The following SGCZ variants were observed in gnomAD, a reference collection of about 807,000 sequenced individuals.
SGCZ encodes the protein sarcoglycan zeta, also known as zeta-sarcoglycan.
SGCZ carries 40 observed loss-of-function variants against 41.3 expected under a neutral mutation model. The ratio of observed to expected loss-of-function variants is 0.97; its 90% CI spans 0.75 to 1.26. SGCZ has a LOEUF of 1.26. Ranked by LOEUF, SGCZ falls within the 50% of genes most tolerant of loss-of-function variation. The pLI, the probability that SGCZ is intolerant of heterozygous loss-of-function variation, is 0.00. For synonymous variants in SGCZ, 206 were observed against 137.5 expected (o/e 1.50, Z -3.49); for missense variants, 552 against 369.8 (o/e 1.49, Z -4.04).
chr8:14,824,780 C>G (rs150980996), intron 1 of SGCZ, among the ~76,000 whole-genome samples: 1 of 152,038 alleles, frequency 6.6e-6, no homozygotes, highest in South Asian at 2.1e-4. Flanking sequence ...TCTACATAAA[C>G]GCTTAAATTT....
chr8:15,223,691 AAAAC>A (rs1195393323), intron 1 of SGCZ, among the ~76,000 whole-genome samples: 3 of 152,188 alleles, frequency 2.0e-5, no homozygotes, highest in African/African-American at 7.2e-5. Context: ...GTAGATATAT[AAAAC>A]ATAGACAATC....
chr8:14,693,582 C>CTTTTT lies in SGCZ; in HGVS notation c.40-138661_40-138657dup, dbSNP rs67757752. Among the ~76,000 whole-genome samples, 12 of 61,564 alleles carry CTTTTT rather than the reference C, an allele frequency of 1.9e-4. 2 individuals are homozygous for CTTTTT. The highest frequency in any genetic ancestry group is 9.9e-4 in the South Asian group (1 of 1,012). The allele number at this position is 61,564 out of a possible 152,430, so 40.4% of individuals were successfully genotyped here. On this transcript the variant is annotated intron_variant, in intron 1 of 7. Transcript: ENST00000382080. The stretch of plus-strand genomic sequence containing the variant: ...TACAGGCGTCAGCTACCACGACTGG[C>CTTTTT]TTTTTTTTTTTTTTTTTTTTTTTTT...
chr8:14,334,168 G>A (rs1020458749), intron 2 of SGCZ, among the ~76,000 whole-genome samples: 2 of 151,808 alleles, frequency 1.3e-5, no homozygotes, highest in African/African-American at 4.8e-5. Flanking sequence ...AAGACTATGG[G>A]GTAGGGTACC....
At chr8:15,203,295 T>C (rs1800956121) in intron 1 of SGCZ, among the ~76,000 whole-genome samples, 1 of 152,198 alleles carries the variant, frequency 6.6e-6, no homozygotes, top group South Asian at 2.1e-4. Flanking sequence ...AACGGTCTTT[T>C]GCCTTTTATC....
intron 1 of SGCZ, among the ~76,000 whole-genome samples, chr8:15,112,750 C>T (rs62499776): frequency 1.3e-5 from 2 of 152,192 alleles, no homozygotes; most frequent in Non-Finnish European, 2.9e-5. Flanking sequence ...CACCAACTTA[C>T]CAGCCACTGG....
chr8:14,219,034 G>A (rs1470989241), intron 4 of SGCZ, among the ~76,000 whole-genome samples: 2 of 152,210 alleles, frequency 1.3e-5, no homozygotes, highest in Non-Finnish European at 1.5e-5. Flanking sequence ...CTTGATAAGT[G>A]GGTGCCTCAT....
chr8:14,703,318 C>T (rs572925116), intron 1 of SGCZ, among the ~76,000 whole-genome samples: 134 of 152,034 alleles, frequency 8.8e-4, no homozygotes, highest in African/African-American at 3.1e-3. Context: ...CTGTAAATCC[C>T]AAGGACAATT....
chr8:14,234,290 A>G (rs1364517902), intron 4 of SGCZ, among the ~76,000 whole-genome samples: 2 of 152,064 alleles, frequency 1.3e-5, no homozygotes, highest in Admixed American at 6.5e-5. Flanking sequence ...AGTACATAGG[A>G]TGGCCTAATC....
chr8:15,113,286 A>G (rs17655533), intron 1 of SGCZ, among the ~76,000 whole-genome samples: 22,899 of 151,900 alleles, frequency 0.15, 1,818 homozygotes, highest in East Asian at 0.27. Flanking sequence ...AAATTAAATG[A>G]GTTCTATGTG....
In SGCZ at chr8:15,238,257, G is replaced by A. The variant is rs780150668; in HGVS notation, c.-634C>T. On this transcript the variant is annotated 5_prime_UTR_variant, in exon 1 of 8. In the 5' UTR this introduces an upstream ATG that the reference lacks. Coordinates refer to ENST00000382080, the MANE Select transcript of SGCZ (RefSeq NM_139167.4). ...GAAGATAATCAAGTCAGAAGGGAAC[G>A]TTCTCCTTTGAAGGTTATGCTAAAA... 4.6e-5 allele frequency: 7 copies of A among 152,216 alleles called. No homozygotes were observed. The highest frequency in any genetic ancestry group is 7.2e-5 in the African/African-American group (3 of 41,440). The allele number at this position is 152,216 out of a possible 1,614,324, so 9.4% of individuals were successfully genotyped here.
At chr8:14,401,009 G>A (rs1056328746) in intron 2 of SGCZ, among the ~76,000 whole-genome samples, 2 of 152,052 alleles carry the variant, frequency 1.3e-5, no homozygotes, top group African/African-American at 4.8e-5. Context: ...AACATGGTTT[G>A]GAAACCAACA....
At chr8:15,235,784 C>T (rs1159029124) in intron 1 of SGCZ, among the ~76,000 whole-genome samples, 1 of 152,184 alleles carries the variant, frequency 6.6e-6, no homozygotes, top group African/African-American at 2.4e-5. Flanking sequence ...TAACAGAACG[C>T]TCTCTTCTGT....
At chr8:14,628,894 T>G (rs996534228) in intron 1 of SGCZ, among the ~76,000 whole-genome samples, 1 of 152,132 alleles carries the variant, frequency 6.6e-6, no homozygotes, top group Non-Finnish European at 1.5e-5. Flanking sequence ...CACACTAAAC[T>G]GAAAATATAG....
intron 1 of SGCZ, among the ~76,000 whole-genome samples, chr8:15,094,050 C>T (rs1806245492): frequency 6.6e-6 from 1 of 152,122 alleles, no homozygotes; most frequent in Non-Finnish European, 1.5e-5. Flanking sequence ...TTGAATGATA[C>T]ATCTAAATAG....
chr8:14,477,003 T>C lies in SGCZ; in HGVS notation c.234+77729A>G, dbSNP rs562393734. Among the ~76,000 whole-genome samples the C allele has an allele frequency of 1.2e-4, 19 of 152,302 alleles. No homozygotes were observed. The South Asian group carries it at 1.7e-3, about 13-fold the overall frequency. On this transcript the variant is annotated intron_variant, in intron 2 of 7. Coordinates refer to ENST00000382080, the MANE Select transcript of SGCZ (RefSeq NM_139167.4). ...ACACTATATACCTATTTTGTTCCCA[T>C]TGGGAAATATTTGAGGACTGCCTAC...
chr8:14,262,016 C>T (rs953070931), intron 3 of SGCZ, among the ~76,000 whole-genome samples: 2 of 152,090 alleles, frequency 1.3e-5, no homozygotes, highest in Non-Finnish European at 2.9e-5. Flanking sequence ...GCAATTTAAG[C>T]ACGACAAAAT....
At chr8:14,836,611 G>T (rs546077696) in intron 1 of SGCZ, among the ~76,000 whole-genome samples, 2 of 152,266 alleles carry the variant, frequency 1.3e-5, no homozygotes, top group African/African-American at 4.8e-5. Context: ...TGCTTCTCGT[G>T]CCTCAGCCAC....
chr8:14,892,573 AGTTT>A (rs1462652604), intron 1 of SGCZ, among the ~76,000 whole-genome samples: 1 of 152,192 alleles, frequency 6.6e-6, no homozygotes, highest in African/African-American at 2.4e-5. Flanking sequence ...TTTTAATAAT[AGTTT>A]ATTATTTGAT....
intron 1 of SGCZ, among the ~76,000 whole-genome samples, chr8:14,995,916 T>C (rs1299844182): frequency 1.3e-5 from 2 of 152,154 alleles, no homozygotes; most frequent in Non-Finnish European, 2.9e-5. Context: ...TCTTTGCTTT[T>C]TTTTTGAGAT....
Sources: gnomAD v4.1 joint callset for allele counts (sites outside exome capture counted in the v4.1 genomes callset) on GRCh38, gnomAD v4.1.1 for gene constraint, MANE v1.5 for transcripts, NCBI Gene and HGNC (gene_info 2026-07-23, HGNC 2026-07-21) for gene names.